The following ZMYND11 variants were observed in gnomAD, a reference collection of about 807,000 sequenced individuals.
ZMYND11 encodes the protein zinc finger MYND-type containing 11.
ZMYND11 carries 9 observed loss-of-function variants against 84.9 expected under a neutral mutation model. That is an observed-to-expected ratio of 0.11 (90% CI 0.06 to 0.18). ZMYND11 has a LOEUF of 0.18. ZMYND11 is among the 10% of genes least tolerant of loss of function. The probability of loss-of-function intolerance (pLI) is 1.00; values close to 1 mark genes in which losing one functional copy is unlikely to be tolerated. For synonymous variants in ZMYND11, 250 were observed against 244.1 expected (o/e 1.02, Z -0.23); for missense variants, 409 against 761.0 (o/e 0.54, Z 5.44).
intron 4 of ZMYND11, among the ~76,000 whole-genome samples, chr10:230,500 A>C (rs1042746885): frequency 2.1e-4 from 28 of 132,134 alleles, no homozygotes; most frequent in African/African-American, 6.5e-4. Context: ...AAAAAAAAAA[A>C]ACTACAGCCT....
intron 1 of ZMYND11, 65 bp from the exon 2 acceptor site, chr10:179,925 TACTC>T (rs2130702300): frequency 1.2e-6 from 1 of 858,270 alleles, no homozygotes; most frequent in Admixed American, 2.6e-5. Context: ...CTGATAATGT[TACTC>T]ACTTATACTG....
intron 3 of ZMYND11, among the ~76,000 whole-genome samples, chr10:214,134 A>G (rs994576400): frequency 2.0e-5 from 3 of 152,164 alleles, no homozygotes; most frequent in Admixed American, 2.0e-4. Context: ...TAATGATCAC[A>G]TAAGTGATCA....
chr10:212,733 A>G (rs1010905493), intron 3 of ZMYND11, among the ~76,000 whole-genome samples: 5 of 152,074 alleles, frequency 3.3e-5, no homozygotes, highest in Non-Finnish European at 7.4e-5. Flanking sequence ...CAATGAATAA[A>G]TATGCTTACA....
chr10:249,419 G>C, intron 14 of ZMYND11: 4 of 985,316 alleles, frequency 4.1e-6, no homozygotes, highest in Non-Finnish European at 4.8e-6. Context: ...TTTACCTGGT[G>C]ATTTCAGATG....
chr10:152,790 A>C (rs1554757484), intron 1 of ZMYND11, among the ~76,000 whole-genome samples: 2 of 152,208 alleles, frequency 1.3e-5, no homozygotes, highest in African/African-American at 4.8e-5. Context: ...CACTTATTCC[A>C]AAATTGACCA....
intron 1 of ZMYND11, among the ~76,000 whole-genome samples, chr10:141,545 A>G (rs1837503948): frequency 6.6e-6 from 1 of 152,258 alleles, no homozygotes; most frequent in South Asian, 2.1e-4. Flanking sequence ...AAGTCTTAGC[A>G]CTGATGATTT....
In ZMYND11 at chr10:213,694, C is replaced by T. The variant is rs988013659; in HGVS notation, c.276+3646C>T. Among the ~76,000 whole-genome samples, 3 of 152,004 alleles carry T rather than the reference C, an allele frequency of 2.0e-5. No individual in the cohort carries two copies. The East Asian group carries it at 5.8e-4, about 29-fold the overall frequency. ...TGATAAGTCCCACAAGTTATATCTC[C>T]TGAGATACTTTGTATCAGCAAAGAG... On this transcript the variant is annotated intron_variant, in intron 3 of 14. Coordinates refer to ENST00000381604, the MANE Select transcript of ZMYND11 (RefSeq NM_001370100.5).
rs757019491 is a variant in ZMYND11, at chr10:237,638, G to T, written c.570G>T (p.Arg190Ser). Residue 190 changes from arginine (R) to serine (S), a missense_variant, in exon 6 of 15, where the codon AGG becomes AGT. By Grantham distance (110) the Arg-to-Ser change is moderately radical. Coordinates refer to ENST00000381604, the MANE Select transcript of ZMYND11 (RefSeq NM_001370100.5). The stretch of plus-strand genomic sequence containing the variant: ...ACAATAAACACCCGATGTACAGGAG[G>T]CTGGTGCACTCAGCTGTGGACGTTC... ...GKDNKHPMYR[R>S]LVHSAVDVPT... The T allele has an allele frequency of 4.4e-5, 71 of 1,613,536 alleles. No homozygotes were observed. Among genetic ancestry groups the T allele is most frequent in the Non-Finnish European group, 5.5e-5 (65 of 1,179,864 alleles).
chr10:148,560 G>A (rs1839475892), intron 1 of ZMYND11: 1 of 152,248 alleles, frequency 6.6e-6, no homozygotes, highest in Non-Finnish European at 1.5e-5. Context: ...AGTGTTTTGA[G>A]GCTTCACAGG....
At chr10:244,666 C>T (rs1951753113) in intron 10 of ZMYND11, 1 of 152,266 alleles carries the variant, frequency 6.6e-6, no homozygotes, top group Admixed American at 6.5e-5. Flanking sequence ...CCATTTTATT[C>T]TGCAAATGTA....
At chr10:151,590 T>A (rs1840388939) in intron 1 of ZMYND11, among the ~76,000 whole-genome samples, 1 of 152,148 alleles carries the variant, frequency 6.6e-6, no homozygotes, top group Non-Finnish European at 1.5e-5. Flanking sequence ...TACGTCTGAT[T>A]GGCGTACCTG....
chr10:201,330 G>A (rs530333516), intron 2 of ZMYND11, among the ~76,000 whole-genome samples: 7 of 152,258 alleles, frequency 4.6e-5, no homozygotes, highest in African/African-American at 1.7e-4. Flanking sequence ...CATTTGTTAT[G>A]TTTTTCATTG....
intron 2 of ZMYND11, among the ~76,000 whole-genome samples, chr10:208,216 C>A (rs1944535436): frequency 6.6e-6 from 1 of 152,190 alleles, no homozygotes; most frequent in South Asian, 2.1e-4. Context: ...CTAGGCCTTA[C>A]CATTCAGGAC....
Position 170,233 on chromosome 10 carries a change from A to C in ZMYND11, c.-19-9761A>C, listed in dbSNP as rs765824345. ...GACTTTCTCAGACAAAATTAAGGGA[A>C]TTTTTTGCCTTGTAATAAATGTTAA... is the stretch of plus-strand genomic sequence containing the variant. On this transcript the variant is annotated intron_variant, in intron 1 of 14. Transcript: ENST00000381604. Among the ~76,000 whole-genome samples, 3 of 152,242 alleles carry C rather than the reference A, an allele frequency of 2.0e-5. No homozygotes were observed. The East Asian group carries it at 5.8e-4, about 29-fold the overall frequency.
chr10:146,892 T>G (rs1173159472), intron 1 of ZMYND11, among the ~76,000 whole-genome samples: 1 of 152,276 alleles, frequency 6.6e-6, no homozygotes, highest in Non-Finnish European at 1.5e-5. Context: ...TGCCAGCATG[T>G]AAGACATGCC....
intron 2 of ZMYND11, among the ~76,000 whole-genome samples, chr10:195,104 G>C (rs1318938747): frequency 6.6e-6 from 1 of 152,158 alleles, no homozygotes; most frequent in African/African-American, 2.4e-5. Flanking sequence ...ACTGACTTCT[G>C]AACTGCAATA....
At chr10:186,593 C>T (rs1258473209) in intron 2 of ZMYND11, among the ~76,000 whole-genome samples, 1 of 132,550 alleles carries the variant, frequency 7.5e-6, no homozygotes, top group Non-Finnish European at 1.6e-5. Context: ...GTGAGCTGAG[C>T]TGAGATCGGG....
chr10:200,591 A>G (rs1043095622), intron 2 of ZMYND11, among the ~76,000 whole-genome samples: 3 of 151,782 alleles, frequency 2.0e-5, no homozygotes, highest in Admixed American at 6.6e-5. Flanking sequence ...GCATTTTTCT[A>G]TTAAGACATA....
chr10:137,158 G>A (rs1836297155), intron 1 of ZMYND11, among the ~76,000 whole-genome samples: 1 of 152,062 alleles, frequency 6.6e-6, no homozygotes, highest in Non-Finnish European at 1.5e-5. Context: ...GATGCAGTGT[G>A]TACCTAGTAC....
Sources: allele counts gnomAD v4.1 joint callset (sites outside exome capture counted in the v4.1 genomes callset), GRCh38; gene constraint gnomAD v4.1.1; transcripts MANE v1.5; gene names NCBI Gene and HGNC (gene_info 2026-07-23, HGNC 2026-07-21).